TNFAIP6: variants seen among roughly 807,000 people sequenced by gnomAD.
TNFAIP6 encodes TNF alpha induced protein 6, also known as tumor necrosis factor-inducible gene 6 protein.
TNFAIP6 carries 36 observed loss-of-function variants against 33.7 expected under a neutral mutation model. The ratio of observed to expected loss-of-function variants is 1.07; its 90% CI spans 0.82 to 1.41. The LOEUF (loss-of-function observed/expected upper bound fraction) is 1.41, where lower values mean the gene tolerates loss of function less well. Ranked by LOEUF, TNFAIP6 falls within the 40% of genes most tolerant of loss-of-function variation. The pLI, the probability that TNFAIP6 is intolerant of heterozygous loss-of-function variation, is 0.00. For missense variants in TNFAIP6, 273 were observed against 331.9 expected (o/e 0.82, Z 1.38); for synonymous variants, 113 against 112.8 (o/e 1.00, Z -0.01).
chr2:151,358,190 T>C (rs1477204856), intron 1 of TNFAIP6, among the ~76,000 whole-genome samples: 3 of 152,214 alleles, frequency 2.0e-5, no homozygotes, highest in Admixed American at 6.5e-5. Flanking sequence ...AATTGCTTCA[T>C]GGACTCTGAG....
At chr2:151,359,046 G>T (rs1684579973) in intron 1 of TNFAIP6, among the ~76,000 whole-genome samples, 1 of 152,150 alleles carries the variant, frequency 6.6e-6, no homozygotes, top group African/African-American at 2.4e-5. Flanking sequence ...GTTGTCATAT[G>T]TTACAAAAAT....
At chr2:151,373,920 A>C (rs1684856043) in intron 5 of TNFAIP6, among the ~76,000 whole-genome samples, 1 of 152,178 alleles carries the variant, frequency 6.6e-6, no homozygotes, top group Non-Finnish European at 1.5e-5. Context: ...TTTTTCATTG[A>C]TAAAGGGTTG....
At position 151,362,480 on chromosome 2, in the gene TNFAIP6, C is replaced by CTTTTTTTTTTTTTTTTTTT. The variant is rs34640251; in HGVS notation, c.95-1451_95-1433dup. ...CAGTTTTTATTTGTCTTACTAAATTCTTTTTTTTTTTTTTTTTTTTTTTTT... is the reference window on the plus strand; with the variant it reads ...CAGTTTTTATTTGTCTTACTAAATTCTTTTTTTTTTTTTTTTTTTTTTTTTTTTTTTTTTTTTTTTTTTT... On this transcript the variant is annotated intron_variant, in intron 1 of 5. Coordinates refer to ENST00000243347, the MANE Select transcript of TNFAIP6 (RefSeq NM_007115.4). 3.5e-5 allele frequency among the ~76,000 whole-genome samples: 2 copies of CTTTTTTTTTTTTTTTTTTT among 56,944 alleles called. 1 individual carries two copies. Among genetic ancestry groups the CTTTTTTTTTTTTTTTTTTT allele is most frequent in the African/African-American group, 1.7e-4 (2 of 12,096 alleles). 37.4% of individuals were successfully genotyped at this position (56,944 alleles called of 152,430 possible).
At chr2:151,363,858 G>C in intron 1 of TNFAIP6, 85 bp from the exon 2 acceptor site, 2 of 1,521,786 alleles carry the variant, frequency 1.3e-6, no homozygotes, top group Non-Finnish European at 1.8e-6. Flanking sequence ...AATAGCTGTT[G>C]TAATCTTCCA....
chr2:151,369,020 C>CTA (rs1263695939), intron 3 of TNFAIP6, among the ~76,000 whole-genome samples: 2 of 152,158 alleles, frequency 1.3e-5, no homozygotes, highest in African/African-American at 4.8e-5. Flanking sequence ...TGGCAAGACC[C>CTA]TATCTCTACT....
intron 4 of TNFAIP6, among the ~76,000 whole-genome samples, chr2:151,373,295 A>T (rs1225059479): frequency 6.6e-6 from 1 of 152,208 alleles, no homozygotes; most frequent in African/African-American, 2.4e-5. Context: ...AGCCTGAGCG[A>T]CAGAGCAAGA....
At chr2:151,364,349 A>G (rs1275988894) in intron 2 of TNFAIP6, among the ~76,000 whole-genome samples, 1 of 152,204 alleles carries the variant, frequency 6.6e-6, no homozygotes, top group Non-Finnish European at 1.5e-5. Context: ...TTTCAATATT[A>G]TTTAAATTTC....
chr2:151,374,600 G>C (rs1464877720), intron 5 of TNFAIP6, among the ~76,000 whole-genome samples: 5 of 152,164 alleles, frequency 3.3e-5, no homozygotes, highest in Non-Finnish European at 5.9e-5. Context: ...CGTCATAACT[G>C]TAACAGATGG....
At chr2:151,378,900 C>T (rs992137065) in intron 5 of TNFAIP6, among the ~76,000 whole-genome samples, 2 of 151,734 alleles carry the variant, frequency 1.3e-5, no homozygotes, top group African/African-American at 4.8e-5. Flanking sequence ...GAGTTTGAGA[C>T]CAGCCTGGCC....
At chr2:151,370,378 C>A in intron 4 of TNFAIP6, 130 bp downstream of exon 4, 4 of 688,362 alleles carry the variant, frequency 5.8e-6, no homozygotes, top group Non-Finnish European at 9.7e-6. Flanking sequence ...AGCACCATAT[C>A]ATTTTTCAAC....
intron 4 of TNFAIP6, among the ~76,000 whole-genome samples, chr2:151,371,436 G>A (rs1042483779): frequency 6.6e-6 from 1 of 152,002 alleles, no homozygotes. Flanking sequence ...AATTGTAATG[G>A]GGACAATTTA....
In TNFAIP6 at chr2:151,373,562, G is replaced by A; in HGVS notation, c.637G>A (p.Glu213Lys). ...HGFVGRYCGD[E>K]LPDDIISTGN... ...ATTCCTTTTCAGATACTGTGGAGAT[G>A]AGCTTCCAGATGACATCATCAGTAC... Residue 213 changes from glutamate (E) to lysine (K), a missense_variant, in exon 5 of 6, where the codon GAG becomes AAG. By Grantham distance (56) the Glu-to-Lys change is moderately conservative. Coordinates refer to ENST00000243347, the MANE Select transcript of TNFAIP6 (RefSeq NM_007115.4). 6.4e-7 allele frequency: 1 copy of A among 1,552,802 alleles called. No individual in the cohort carries two copies. The highest frequency in any genetic ancestry group is 8.7e-7 in the Non-Finnish European group (1 of 1,145,070).
chr2:151,360,995 T>A (rs547397867), intron 1 of TNFAIP6, among the ~76,000 whole-genome samples: 21 of 152,282 alleles, frequency 1.4e-4, no homozygotes, highest in Admixed American at 7.8e-4. Context: ...TAAAAGATTT[T>A]TAAAAAATGA....
chr2:151,360,587 G>T (rs796843996), intron 1 of TNFAIP6, among the ~76,000 whole-genome samples: 7 of 152,170 alleles, frequency 4.6e-5, no homozygotes, highest in African/African-American at 9.6e-5. Context: ...TTGTACAAAG[G>T]TCCATCTTAA....
chr2:151,376,584 A>G (rs1392814397), intron 5 of TNFAIP6, among the ~76,000 whole-genome samples: 2 of 152,214 alleles, frequency 1.3e-5, no homozygotes, highest in African/African-American at 2.4e-5. Context: ...TTTCTATTAT[A>G]CAAACATTAT....
At chr2:151,364,533 T>C (rs1050265416) in intron 2 of TNFAIP6, among the ~76,000 whole-genome samples, 5 of 152,038 alleles carry the variant, frequency 3.3e-5, no homozygotes, top group African/African-American at 1.2e-4. Flanking sequence ...TTCCATTAAG[T>C]GGGAGAATGT....
rs763386524 is a variant in TNFAIP6 at position 151,357,707 on chromosome 2, A to G, written c.41A>G (p.Asp14Gly). Residue 14 changes from aspartate to glycine, a missense_variant, in exon 1 of 6, where the codon GAC (aspartate) becomes GGC (glycine). Transcript: ENST00000243347. ...LIYLFLLLWEDTQGWGFKDGI... is the reference protein window; with the variant it reads ...LIYLFLLLWEGTQGWGFKDGI... ...TACTTATTTCTCTTGCTATGGGAAGACACTCAAGGATGGGGATTCAAGGAT... is the reference window on the plus strand; with the variant it reads ...TACTTATTTCTCTTGCTATGGGAAGGCACTCAAGGATGGGGATTCAAGGAT... 13 of 1,613,066 alleles carry G rather than the reference A, an allele frequency of 8.1e-6. No individual in the cohort carries two copies. Among genetic ancestry groups the G allele is most frequent in the Non-Finnish European group, 1.1e-5 (13 of 1,179,094 alleles).
At chr2:151,370,813 T>G (rs1294217413) in intron 4 of TNFAIP6, among the ~76,000 whole-genome samples, 1 of 152,234 alleles carries the variant, frequency 6.6e-6, no homozygotes, top group Non-Finnish European at 1.5e-5. Flanking sequence ...CTCACGCCTG[T>G]AATCCACACC....
intron 3 of TNFAIP6, chr2:151,368,212 T>C (rs928855023): frequency 6.5e-6 from 1 of 153,872 alleles, no homozygotes; most frequent in Non-Finnish European, 1.5e-5. Flanking sequence ...CTGTATTTTA[T>C]CCTTAGAATA....
Sources: allele counts gnomAD v4.1 joint callset (sites outside exome capture counted in the v4.1 genomes callset), GRCh38; gene constraint gnomAD v4.1.1; transcripts MANE v1.5; gene names NCBI Gene and HGNC (gene_info 2026-07-23, HGNC 2026-07-21).